Variants in SAP130 observed in about 807,000 individuals in gnomAD.
SAP130 encodes the protein histone deacetylase complex subunit SAP130.
SAP130 carries 16 observed loss-of-function variants against 103.2 expected under a neutral mutation model. The ratio of observed to expected loss-of-function variants is 0.16; its 90% CI spans 0.10 to 0.24. SAP130 has a LOEUF of 0.24. Ranked by LOEUF, SAP130 falls within the 10% of genes least tolerant of loss-of-function variation. The pLI is 1.00. For missense variants in SAP130, 990 were observed against 1,359.7 expected, an observed-to-expected ratio of 0.73 and a Z score of 4.28; for synonymous variants, 477 against 497.0, an observed-to-expected ratio of 0.96 and a Z score of 0.53.
intron 1 of SAP130, chr2:128,027,143 G>T: frequency 7.3e-7 from 1 of 1,368,044 alleles, no homozygotes. Context: ...CGCCGGCCTG[G>T]GGGTGCCGCG....
chr2:127,994,208 AATAGTT>A (rs1683021032), intron 11 of SAP130, among the ~76,000 whole-genome samples: 1 of 152,270 alleles, frequency 6.6e-6, no homozygotes, highest in African/African-American at 2.4e-5. Flanking sequence ...GACAGCAGTC[AATAGTT>A]ATTCATGATA....
At chr2:128,001,557 T>C (rs1211359249) in intron 7 of SAP130, among the ~76,000 whole-genome samples, 40 of 152,238 alleles carry the variant, frequency 2.6e-4, no homozygotes, top group Non-Finnish European at 2.9e-5. Flanking sequence ...CAGGTGCCTC[T>C]TTTTTAATCT....
In SAP130 at chr2:127,996,931, AAC is replaced by A. The variant is rs1683216625; in HGVS notation, c.1214-442_1214-441del. Among the ~76,000 whole-genome samples, 1 of 152,154 alleles carries A rather than the reference AAC, an allele frequency of 6.6e-6. No individual in the cohort carries two copies. The highest frequency in any genetic ancestry group is 1.5e-5 in the Non-Finnish European group (1 of 68,038). On this transcript the variant is annotated intron_variant, in intron 10 of 20. Transcript: ENST00000643581. This position sits in a 1 kb window ranked among gnomAD's most constrained non-coding sequence, Gnocchi z 4.3. ...GACCCTGTCTCAAAATAAATAAATA[AAC>A]ACACAATTTTGGATTAAAAAACGGA... is the stretch of plus-strand genomic sequence containing the variant.
chr2:127,998,301 GAAAAT>G (rs1176849868), intron 10 of SAP130, among the ~76,000 whole-genome samples: 1 of 152,120 alleles, frequency 6.6e-6, no homozygotes, highest in African/African-American at 2.4e-5. Flanking sequence ...AGAACATGAA[GAAAAT>G]AAGAATGGTA....
At chr2:127,962,112 T>A (rs1015655480) in intron 15 of SAP130, among the ~76,000 whole-genome samples, 3 of 152,190 alleles carry the variant, frequency 2.0e-5, no homozygotes, top group Non-Finnish European at 4.4e-5. Flanking sequence ...TGCCTTTCCA[T>A]AAGGGTTATA....
chr2:127,989,947 G>C lies in SAP130; in HGVS notation c.1478-81C>G. On this transcript the variant is annotated intron_variant, in intron 12 of 20. Transcript: ENST00000643581. The surrounding 1 kb of genome is among the most constrained non-coding windows in gnomAD (Gnocchi z 4.6). The stretch of plus-strand genomic sequence containing the variant: ...ACATAAAGAGAGAAACACTAAAAAC[G>C]GATTTCCTCCACTGTATAAGATCTA... The C allele has an allele frequency of 7.7e-7, 1 of 1,296,586 alleles. No individual in the cohort carries two copies. Among genetic ancestry groups the C allele is most frequent in the South Asian group, 1.5e-5 (1 of 68,834 alleles). 80.3% of individuals were successfully genotyped at this position (1,296,586 alleles called of 1,614,324 possible). A position where few individuals can be genotyped will look rare whatever the true frequency, so the allele number is the denominator to read the frequency against.
chr2:128,009,814 T>C (rs2105158597), intron 7 of SAP130, among the ~76,000 whole-genome samples: 1 of 152,332 alleles, frequency 6.6e-6, no homozygotes, highest in African/African-American at 2.4e-5. Flanking sequence ...CACAATCCTG[T>C]CTCAGAGCCT....
chr2:128,018,483 C>CAAAAAAAAAAAAAAAAAAAAAAAAA (rs759445928), intron 2 of SAP130, among the ~76,000 whole-genome samples: 1 of 69,474 alleles, frequency 1.4e-5, no homozygotes, highest in African/African-American at 6.5e-5. Flanking sequence ...AGATTGTCTC[C>CAAAAAAAAAAAAAAAAAAAAAAAAA]AAAAAAAAAA....
intron 14 of SAP130, among the ~76,000 whole-genome samples, chr2:127,981,198 CG>C (rs1559064648): frequency 6.6e-6 from 1 of 151,794 alleles, no homozygotes; most frequent in East Asian, 1.9e-4. Flanking sequence ...TTACAGGATG[CG>C]GTTAACATGT....
Position 127,942,381 on chromosome 2 carries a change from C to A in SAP130, c.3015+43G>T. On this transcript the variant is annotated intron_variant, in intron 20 of 20. Transcript: ENST00000643581. This position sits in a 1 kb window ranked among gnomAD's most constrained non-coding sequence, Gnocchi z 4.8. Reference sequence around the variant, plus strand: ...AGAAGTAGGGCTTTACAGAAAGCAACTTCATAAAGTAGATGATCAGAAGGG... The same window carrying A: ...AGAAGTAGGGCTTTACAGAAAGCAAATTCATAAAGTAGATGATCAGAAGGG... 1.4e-6 allele frequency: 2 copies of A among 1,418,642 alleles called. No individual in the cohort carries two copies. Among genetic ancestry groups the A allele is most frequent in the Non-Finnish European group, 2.0e-6 (2 of 1,003,564 alleles). 87.9% of individuals were successfully genotyped at this position (1,418,642 alleles called of 1,614,324 possible). A position where few individuals can be genotyped will look rare whatever the true frequency, so the allele number is the denominator to read the frequency against.
At chr2:128,001,425 C>T (rs1683552507) in intron 7 of SAP130, among the ~76,000 whole-genome samples, 2 of 152,196 alleles carry the variant, frequency 1.3e-5, no homozygotes, top group South Asian at 4.1e-4. Flanking sequence ...CATTGCCACT[C>T]TGGTTAGTGG....
At position 127,945,485 on chromosome 2, in the gene SAP130, G is replaced by A; in HGVS notation, c.2872C>T (p.His958Tyr). 6.2e-7 allele frequency: 1 copy of A among 1,611,754 alleles called. No individual in the cohort carries two copies. Among genetic ancestry groups the A allele is most frequent in the Non-Finnish European group, 8.5e-7 (1 of 1,177,926 alleles). ...VSCRAQGWKV[H>Y]LCAAQLLQLT... ...TGTAGTAACTGGGCAGCACAGAGGT[G>A]GACTTTCCAGCCTTGAGCACGACAG... Residue 958 changes from histidine (H) to tyrosine (Y), a missense_variant, in exon 19 of 21, where the codon CAC becomes TAC. Physicochemically the swap from His to Tyr is moderately conservative, Grantham distance 83. This residue lies in a region of SAP130 where 69 missense variants were observed against 165.7 expected (regional missense o/e 0.42). Coordinates refer to ENST00000643581, the MANE Select transcript of SAP130 (RefSeq NM_001330301.2).
Position 127,941,758 on chromosome 2 carries a change from C to T in SAP130, c.*248G>A, listed in dbSNP as rs1221754050. ...TTCCAACTGGTGGACACTGATGCATCCGGAGTCACTTATGACACAGATCAG... is the reference window on the plus strand; with the variant it reads ...TTCCAACTGGTGGACACTGATGCATTCGGAGTCACTTATGACACAGATCAG... On this transcript the variant is annotated 3_prime_UTR_variant, in exon 21 of 21. Transcript: ENST00000643581. 2 of 484,236 alleles carry T rather than the reference C, an allele frequency of 4.1e-6. No individual in the cohort carries two copies. Among genetic ancestry groups the T allele is most frequent in the African/African-American group, 2.0e-5 (1 of 48,800 alleles). The allele number at this position is 484,236 out of a possible 1,614,324, so 30.0% of individuals were successfully genotyped here.
intron 15 of SAP130, among the ~76,000 whole-genome samples, chr2:127,962,902 A>G (rs1391840233): frequency 6.6e-6 from 1 of 150,536 alleles, no homozygotes; most frequent in Non-Finnish European, 1.5e-5. Context: ...AAAAAAAAAA[A>G]GATGACTGGC....
At chr2:127,980,889 C>A (rs1417605161) in intron 14 of SAP130, among the ~76,000 whole-genome samples, 1 of 78,600 alleles carries the variant, frequency 1.3e-5, no homozygotes, top group Non-Finnish European at 2.7e-5. Context: ...AGAGTGAGAC[C>A]CCCATCTCAA....
At chr2:127,950,517 C>T in intron 16 of SAP130, 109 bp from the exon 17 acceptor site, 2 of 1,261,602 alleles carry the variant, frequency 1.6e-6, no homozygotes, top group Non-Finnish European at 2.2e-6. Flanking sequence ...AGAGCACCAA[C>T]ATTTATTGTC....
intron 13 of SAP130, among the ~76,000 whole-genome samples, chr2:127,987,226 C>T (rs957882160): frequency 9.9e-5 from 15 of 152,056 alleles, no homozygotes; most frequent in Non-Finnish European, 2.1e-4. Context: ...GCTCTCTTGC[C>T]CAGGCTGGAA....
chr2:128,010,454 T>C, intron 6 of SAP130, 61 bp from the exon 7 acceptor site: 1 of 1,486,090 alleles, frequency 6.7e-7, no homozygotes, highest in Non-Finnish European at 9.2e-7. Context: ...AGTCAAATAC[T>C]AAATGTGTAA....
In SAP130 at chr2:128,018,924, C is replaced by T. The variant is rs143395893; in HGVS notation, c.113-1009G>A. Among the ~76,000 whole-genome samples the T allele has an allele frequency of 1.9e-3, 295 of 151,978 alleles. 1 individual carries two copies. The highest frequency in any genetic ancestry group is 6.9e-3 in the African/African-American group (288 of 41,450). The stretch of plus-strand genomic sequence containing the variant: ...CAGCCTGACCAACGTGGTGAAACCC[C>T]GTCTCTACTAAAAATACAAAAAAAT... On this transcript the variant is annotated intron_variant, in intron 2 of 20. Coordinates refer to ENST00000643581, the MANE Select transcript of SAP130 (RefSeq NM_001330301.2).
Sources: gnomAD v4.1 joint callset for allele counts (sites outside exome capture counted in the v4.1 genomes callset) on GRCh38, gnomAD v4.1.1 for gene constraint, gnomAD v4.1.1 regional missense constraint, Gnocchi (gnomAD v3.1) non-coding constraint, MANE v1.5 for transcripts, NCBI Gene and HGNC (gene_info 2026-07-23, HGNC 2026-07-21) for gene names.